SLC9C1: variants seen among roughly 807,000 people sequenced by gnomAD.
The protein encoded by SLC9C1 is solute carrier family 9 member C1, also known as sodium/hydrogen exchanger 10.
In SLC9C1, 97 loss-of-function variants were observed where a neutral mutation model predicts 140.9. The ratio of observed to expected loss-of-function variants is 0.69; its 90% CI spans 0.58 to 0.82. The LOEUF (loss-of-function observed/expected upper bound fraction) is 0.82. SLC9C1 is among the 40% of genes least tolerant of loss of function. SLC9C1 has a pLI of 0.00. For synonymous variants in SLC9C1, 440 were observed against 442.6 expected, an observed-to-expected ratio of 0.99 and a Z score of 0.07; for missense variants, 1,340 against 1,389.3, an observed-to-expected ratio of 0.96 and a Z score of 0.56.
intron 17 of SLC9C1, 121 bp downstream of exon 17, chr3:112,204,097 T>C: frequency 9.0e-7 from 1 of 1,115,980 alleles, no homozygotes; most frequent in Non-Finnish European, 1.1e-6. Flanking sequence ...AGCTAAAATT[T>C]AAAATATAAA....
intron 2 of SLC9C1, among the ~76,000 whole-genome samples, chr3:112,282,164 C>G (rs1489695508): frequency 6.6e-6 from 1 of 152,194 alleles, no homozygotes; most frequent in East Asian, 1.9e-4. Flanking sequence ...CTTTCAATGG[C>G]CATTTTAATA....
chr3:112,160,714 A>G (rs374690225), intron 26 of SLC9C1, among the ~76,000 whole-genome samples: 23 of 151,140 alleles, frequency 1.5e-4, no homozygotes, highest in South Asian at 2.1e-4. Flanking sequence ...ATTGTGAATA[A>G]TGCCGCAATA....
chr3:112,286,848 C>T lies in SLC9C1; in HGVS notation c.-57G>A, dbSNP rs528769188. 7 of 1,226,176 alleles carry T rather than the reference C, an allele frequency of 5.7e-6. No individual in the cohort carries two copies. The South Asian group carries it at 8.9e-5, about 16-fold the overall frequency. The allele number at this position is 1,226,176 out of a possible 1,614,324, so 76.0% of individuals were successfully genotyped here. ...TAGAAGCAATCTCCATATGATCATCCATCTTGTTGTTTTTCACAGTCCATC... is the reference window on the plus strand; with the variant it reads ...TAGAAGCAATCTCCATATGATCATCTATCTTGTTGTTTTTCACAGTCCATC... On this transcript the variant is annotated 5_prime_UTR_variant, in exon 2 of 29. It removes an upstream start codon present in the reference 5' UTR. Coordinates refer to ENST00000305815, the MANE Select transcript of SLC9C1 (RefSeq NM_183061.3).
chr3:112,250,288 A>G (rs1376646739), intron 10 of SLC9C1, among the ~76,000 whole-genome samples: 1 of 151,786 alleles, frequency 6.6e-6, no homozygotes, highest in Non-Finnish European at 1.5e-5. Flanking sequence ...TATATGTGCC[A>G]CATTTTCTTA....
intron 13 of SLC9C1, among the ~76,000 whole-genome samples, chr3:112,223,649 GAAATT>G (rs932065988): frequency 5.2e-4 from 79 of 151,988 alleles, no homozygotes; most frequent in African/African-American, 1.9e-3. Context: ...GAAAAAGAAA[GAAATT>G]AAACAGCAAG....
intron 15 of SLC9C1, among the ~76,000 whole-genome samples, chr3:112,214,582 C>A (rs2078302823): frequency 6.6e-6 from 1 of 152,144 alleles, no homozygotes; most frequent in Admixed American, 6.5e-5. Context: ...CTATAAACAC[C>A]TCTACACAAA....
At chr3:112,165,828 A>G (rs1185300651) in intron 26 of SLC9C1, among the ~76,000 whole-genome samples, 1 of 152,136 alleles carries the variant, frequency 6.6e-6, no homozygotes, top group East Asian at 1.9e-4. Flanking sequence ...TCTGCAGAGG[A>G]TTCTGCTGCC....
At chr3:112,199,859 G>A (rs1033217339) in intron 19 of SLC9C1, among the ~76,000 whole-genome samples, 8 of 151,954 alleles carry the variant, frequency 5.3e-5, no homozygotes, top group Middle Eastern at 3.4e-3. Flanking sequence ...GATTAAATAC[G>A]GCTTCTGATT....
chr3:112,141,241 A>G lies in SLC9C1; in HGVS notation c.*31T>C, dbSNP rs754457108. 8 of 1,572,598 alleles carry G rather than the reference A, an allele frequency of 5.1e-6. No homozygotes were observed. Among genetic ancestry groups the G allele is most frequent in the Non-Finnish European group, 4.3e-6 (5 of 1,162,404 alleles). On this transcript the variant is annotated 3_prime_UTR_variant, in exon 29 of 29. Coordinates refer to ENST00000305815, the MANE Select transcript of SLC9C1 (RefSeq NM_183061.3). ...GCAGGAGGCCTCTCATAGCCACAGC[A>G]TTAATACATGCTTCGGTCTTCTTAA...
chr3:112,269,044 T>C (rs12485998), intron 7 of SLC9C1, among the ~76,000 whole-genome samples: 7,589 of 152,330 alleles, frequency 0.05, 275 homozygotes, highest in Admixed American at 0.074. Flanking sequence ...ATATGTAACT[T>C]CTATTTTGAT....
At chr3:112,234,528 T>C (rs1189115181) in intron 12 of SLC9C1, among the ~76,000 whole-genome samples, 3 of 152,166 alleles carry the variant, frequency 2.0e-5, no homozygotes, top group Non-Finnish European at 2.9e-5. Flanking sequence ...TTGCTTTTGG[T>C]GTTTTAGACA....
intron 26 of SLC9C1, among the ~76,000 whole-genome samples, chr3:112,162,713 G>T (rs1330679158): frequency 6.6e-6 from 1 of 151,386 alleles, no homozygotes; most frequent in Non-Finnish European, 1.5e-5. Flanking sequence ...GTTCATCAAG[G>T]ATATTGGTCT....
intron 25 of SLC9C1, among the ~76,000 whole-genome samples, chr3:112,168,320 A>G (rs919779871): frequency 4.9e-5 from 6 of 123,102 alleles, no homozygotes; most frequent in Non-Finnish European, 9.8e-5. Context: ...AACACAAAAC[A>G]ATACACACAC....
chr3:112,249,058 T>A (rs2079373798), intron 10 of SLC9C1, among the ~76,000 whole-genome samples: 1 of 152,156 alleles, frequency 6.6e-6, no homozygotes, highest in Non-Finnish European at 1.5e-5. Flanking sequence ...CAGCTTTTGC[T>A]GATTCTGTAT....
At chr3:112,283,477 T>TAAAA (rs200690332) in intron 2 of SLC9C1, among the ~76,000 whole-genome samples, 20 of 80,566 alleles carry the variant, frequency 2.5e-4, no homozygotes, top group African/African-American at 7.9e-4. Context: ...ACCCTATCTC[T>TAAAA]AAAAAAAAAA....
intron 27 of SLC9C1, among the ~76,000 whole-genome samples, chr3:112,154,672 T>G (rs1165315073): frequency 1.3e-5 from 2 of 152,332 alleles, no homozygotes; most frequent in South Asian, 2.1e-4. Flanking sequence ...AGTCCAGATT[T>G]TGGCATTCCA....
rs1331053122 is a variant in SLC9C1, at chr3:112,231,421, A to G, written c.1512T>C (p.Asp504=). ...VKCPHCNKEI[D]EIFNTEAMEL... is the part of the protein sequence containing the mutation. ...CCATTGCTTCAGTGTTAAAGATCTCATCTATTTCCTTGTTACAGTGTGGAC... is the reference window on the plus strand; with the variant it reads ...CCATTGCTTCAGTGTTAAAGATCTCGTCTATTTCCTTGTTACAGTGTGGAC... Residue 504 remains aspartate (D), a synonymous_variant, in exon 13 of 29, where the codon GAT becomes GAC. Coordinates refer to ENST00000305815, the MANE Select transcript of SLC9C1 (RefSeq NM_183061.3). 3 of 1,613,288 alleles carry G rather than the reference A, an allele frequency of 1.9e-6. No individual in the cohort carries two copies. The South Asian group carries it at 3.3e-5, about 18-fold the overall frequency.
intron 27 of SLC9C1, among the ~76,000 whole-genome samples, chr3:112,152,921 A>C (rs1423548180): frequency 6.6e-6 from 1 of 152,222 alleles, no homozygotes; most frequent in Non-Finnish European, 1.5e-5. Context: ...TTCTTAGTAC[A>C]GATCAAAATG....
intron 6 of SLC9C1, among the ~76,000 whole-genome samples, chr3:112,274,293 T>C (rs1171485821): frequency 1.3e-5 from 2 of 152,106 alleles, no homozygotes; most frequent in African/African-American, 4.8e-5. Context: ...ACAATCACTA[T>C]TATAATATAC....
Sources: allele counts gnomAD v4.1 joint callset (sites outside exome capture counted in the v4.1 genomes callset), GRCh38; gene constraint gnomAD v4.1.1; transcripts MANE v1.5; gene names NCBI Gene and HGNC (gene_info 2026-07-23, HGNC 2026-07-21).